Variants in MTM1 observed in about 807,000 individuals in gnomAD.
The protein encoded by MTM1 is myotubularin.
In MTM1, 9 loss-of-function variants were observed where a neutral mutation model predicts 52.1. The ratio of observed to expected loss-of-function variants is 0.17; its 90% confidence interval spans 0.10 to 0.30. The LOEUF is 0.30. Ranked by LOEUF, MTM1 falls within the 10% of genes least tolerant of loss-of-function variation. The pLI is 1.00. For synonymous variants in MTM1, 136 were observed against 163.8 expected (o/e 0.83, Z 1.29); for missense variants, 277 against 470.7 (o/e 0.59, Z 3.81).
intron 5 of MTM1, among the ~76,000 whole-genome samples, chrX:150,617,572 A>G (rs782632791): frequency 8.9e-5 from 10 of 112,248 alleles, no homozygotes; most frequent in Non-Finnish European, 1.5e-4. Flanking sequence ...TGTCATCTGT[A>G]TACAGAGTGC....
intron 4 of MTM1, among the ~76,000 whole-genome samples, chrX:150,611,578 A>G (rs1334039423): frequency 1.8e-5 from 2 of 112,119 alleles, no homozygotes; most frequent in Non-Finnish European, 3.8e-5. Context: ...CCCCACAATA[A>G]CTATATCCCT....
chrX:150,602,624 T>C (rs1278943166), intron 4 of MTM1, among the ~76,000 whole-genome samples: 7 of 112,069 alleles, frequency 6.2e-5, no homozygotes, highest in African/African-American at 1.9e-4. Context: ...ATCCCATAGC[T>C]ACCTTTTGGC....
At chrX:150,591,194 A>G (rs2038879061) in intron 1 of MTM1, among the ~76,000 whole-genome samples, 1 of 112,319 alleles carries the variant, frequency 8.9e-6, no homozygotes, top group Non-Finnish European at 1.9e-5. Flanking sequence ...ATCTCTTTCT[A>G]TAAAGACGTA....
intron 4 of MTM1, among the ~76,000 whole-genome samples, chrX:150,612,212 C>T (rs932575138): frequency 1.0e-4 from 11 of 109,478 alleles, no homozygotes; most frequent in Admixed American, 3.9e-4. Context: ...AAAAGATTGG[C>T]GATTTTCATT....
At chrX:150,651,095 C>T (rs1453950223) in intron 10 of MTM1, among the ~76,000 whole-genome samples, 1 of 112,277 alleles carries the variant, frequency 8.9e-6, no homozygotes, top group Non-Finnish European at 1.9e-5. Context: ...TCTTTTTACA[C>T]ATACCTATCA....
intron 4 of MTM1, among the ~76,000 whole-genome samples, chrX:150,612,750 G>A (rs782217364): frequency 3.6e-5 from 4 of 111,245 alleles, no homozygotes; most frequent in Non-Finnish European, 5.7e-5. Flanking sequence ...TTGGGAGGCC[G>A]AGGCAGGTGT....
At chrX:150,565,993 T>TACACACACACACACAC (rs782745793), upstream of MTM1, among the ~76,000 whole-genome samples, 2 of 88,453 alleles carry the variant, frequency 2.3e-5, no homozygotes, top group Non-Finnish European at 4.5e-5. Context: ...TGAAGATTCC[T>TACACACACACACACAC]ACACACACAC....
chrX:150,659,601 T>G, intron 11 of MTM1, 63 bp from the exon 12 acceptor site: 1 of 937,930 alleles, frequency 1.1e-6, no homozygotes, highest in Non-Finnish European at 1.5e-6. Context: ...ACATTTTGTG[T>G]TATATGCTTT....
chrX:150,619,606 T>G (rs781792711), intron 6 of MTM1, among the ~76,000 whole-genome samples: 2 of 112,345 alleles, frequency 1.8e-5, no homozygotes, highest in African/African-American at 6.5e-5. Context: ...TACCTAAAAC[T>G]TTTCCTTCCT....
At chrX:150,573,691 C>T (rs1480758257) in intron 1 of MTM1, among the ~76,000 whole-genome samples, 1 of 111,595 alleles carries the variant, frequency 9.0e-6, no homozygotes, top group Non-Finnish European at 1.9e-5. Flanking sequence ...GGTGGTGGTG[C>T]TTTAAATTCC....
intron 10 of MTM1, among the ~76,000 whole-genome samples, chrX:150,650,289 A>G (rs1405916367): frequency 9.1e-6 from 1 of 109,832 alleles, no homozygotes; most frequent in African/African-American, 3.3e-5. Context: ...TTTTGAAACT[A>G]ATCTCAAATG....
intron 11 of MTM1, among the ~76,000 whole-genome samples, chrX:150,659,395 T>C (rs2040182043): frequency 8.9e-6 from 1 of 112,185 alleles, no homozygotes; most frequent in East Asian, 2.8e-4. Flanking sequence ...TACAAAATTC[T>C]GATTATATGA....
chrX:150,668,452 T>A (rs2040337517), intron 14 of MTM1, among the ~76,000 whole-genome samples: 1 of 104,534 alleles, frequency 9.6e-6, no homozygotes, highest in African/African-American at 3.5e-5. Context: ...TTTGGTAGGC[T>A]AAGGCAGGAG....
intron 6 of MTM1, among the ~76,000 whole-genome samples, chrX:150,632,973 C>G (rs2039694939): frequency 9.0e-6 from 1 of 110,930 alleles, no homozygotes; most frequent in Non-Finnish European, 1.9e-5. Context: ...ATTTGGTACT[C>G]CTGGATCACA....
chrX:150,576,693 T>G (rs1280127160), intron 1 of MTM1, among the ~76,000 whole-genome samples: 1 of 111,763 alleles, frequency 8.9e-6, no homozygotes, highest in Non-Finnish European at 1.9e-5. Flanking sequence ...CTAAGTATCT[T>G]TTGCAAATTT....
chrX:150,585,225 G>T (rs1336621222), intron 1 of MTM1, among the ~76,000 whole-genome samples: 1 of 111,650 alleles, frequency 9.0e-6, no homozygotes, highest in African/African-American at 3.3e-5. Context: ...TAGAGGAATT[G>T]TTTCAAATGG....
intron 4 of MTM1, among the ~76,000 whole-genome samples, chrX:150,612,201 A>T (rs1569565431): frequency 9.0e-6 from 1 of 110,644 alleles, no homozygotes; most frequent in Non-Finnish European, 1.9e-5. Flanking sequence ...AAAAAAAAAA[A>T]AAAAGATTGG....
upstream of MTM1, among the ~76,000 whole-genome samples, chrX:150,566,724 A>G (rs2038267597): frequency 1.8e-5 from 2 of 110,730 alleles, no homozygotes; most frequent in Admixed American, 9.7e-5. Flanking sequence ...TCCCAGCTCC[A>G]TCGAAAAGCT....
At chrX:150,600,686 T>G (rs2039053364) in intron 4 of MTM1, among the ~76,000 whole-genome samples, 1 of 112,407 alleles carries the variant, frequency 8.9e-6, no homozygotes, top group African/African-American at 3.2e-5. Flanking sequence ...TTGAAGTGCC[T>G]TTCTGTGGAG....
Sources: gnomAD v4.1 joint callset for allele counts (sites outside exome capture counted in the v4.1 genomes callset) on GRCh38, gnomAD v4.1.1 for gene constraint, MANE v1.5 for transcripts, NCBI Gene and HGNC (gene_info 2026-07-23, HGNC 2026-07-21) for gene names.